Variants in PRPSAP1 observed in about 807,000 individuals in gnomAD.
PRPSAP1 encodes the protein phosphoribosyl pyrophosphate synthetase associated protein 1.
In PRPSAP1, 31 loss-of-function variants were observed where a neutral mutation model predicts 39.4. That is an observed-to-expected ratio of 0.79 (90% CI 0.59 to 1.06). PRPSAP1 has a LOEUF of 1.06. PRPSAP1 is among the 50% of genes least tolerant of loss of function. PRPSAP1 has a pLI of 0.00. For synonymous variants in PRPSAP1, 212 were observed against 192.6 expected, an observed-to-expected ratio of 1.10 and a Z score of -0.83; for missense variants, 430 against 511.6, an observed-to-expected ratio of 0.84 and a Z score of 1.54.
chr17:76,318,238 A>G (rs1482977907), intron 7 of PRPSAP1, among the ~76,000 whole-genome samples: 1 of 152,188 alleles, frequency 6.6e-6, no homozygotes, highest in Non-Finnish European at 1.5e-5. Flanking sequence ...TCACGAGGTC[A>G]GGAGTTAGAG....
chr17:76,350,355 C>T (rs60722349), intron 1 of PRPSAP1, among the ~76,000 whole-genome samples: 2,146 of 151,562 alleles, frequency 0.014, 54 homozygotes, highest in African/African-American at 0.05. Flanking sequence ...AGGGGAATGG[C>T]GTGAACCCAG....
In PRPSAP1 at chr17:76,311,710, C is replaced by T. The variant is rs910412440; in HGVS notation, c.1000-10G>A. 6.2e-7 allele frequency: 1 copy of T among 1,610,110 alleles called. No homozygotes were observed. Among genetic ancestry groups the T allele is most frequent in the Non-Finnish European group, 8.5e-7 (1 of 1,177,736 alleles). The stretch of plus-strand genomic sequence containing the variant: ...TATTCGTCACCACCACCTAGTCACA[C>T]AGTGATGGAAAACAAACGCTGTTAC... On this transcript the variant is annotated splice_polypyrimidine_tract_variant and intron_variant, in intron 9 of 9. Transcript: ENST00000446526.
intron 7 of PRPSAP1, among the ~76,000 whole-genome samples, chr17:76,327,901 A>G (rs1436026107): frequency 1.3e-5 from 2 of 152,182 alleles, no homozygotes; most frequent in Admixed American, 6.5e-5. Flanking sequence ...CGGGCCTGGC[A>G]TGGGGCTCAT....
intron 7 of PRPSAP1, among the ~76,000 whole-genome samples, chr17:76,327,095 C>T (rs1468948347): frequency 6.6e-6 from 1 of 152,138 alleles, no homozygotes; most frequent in African/African-American, 2.4e-5. Flanking sequence ...CACCTGTAAT[C>T]CCAGCACACT....
At chr17:76,330,986 A>G (rs973458256) in intron 4 of PRPSAP1, among the ~76,000 whole-genome samples, 1 of 152,230 alleles carries the variant, frequency 6.6e-6, no homozygotes, top group African/African-American at 2.4e-5. Flanking sequence ...AGAGATGGAA[A>G]AAACAGTAAG....
At chr17:76,354,098 C>T (rs2143569037), upstream of PRPSAP1, 1 of 1,027,144 alleles carries the variant, frequency 9.7e-7, no homozygotes, top group East Asian at 9.2e-5. Flanking sequence ...GTCTCACTTT[C>T]TTGGGAGGAG....
chr17:76,339,568 G>C (rs2071413834), intron 3 of PRPSAP1, among the ~76,000 whole-genome samples: 2 of 151,698 alleles, frequency 1.3e-5, no homozygotes, highest in South Asian at 4.1e-4. Flanking sequence ...GCCAGGTGAT[G>C]ATATTTTTGC....
At chr17:76,345,143 G>A (rs1240673859) in intron 2 of PRPSAP1, among the ~76,000 whole-genome samples, 2 of 149,906 alleles carry the variant, frequency 1.3e-5, no homozygotes, top group South Asian at 2.2e-4. Context: ...GCTGAGGCAG[G>A]AGAATGGCGT....
intron 7 of PRPSAP1, among the ~76,000 whole-genome samples, chr17:76,318,170 C>G (rs1346571779): frequency 6.6e-6 from 1 of 152,122 alleles, no homozygotes; most frequent in African/African-American, 2.4e-5. Flanking sequence ...ATGGGTTTGG[C>G]CAGGTGCGGT....
At chr17:76,352,735 T>C (rs115214282) in intron 1 of PRPSAP1, among the ~76,000 whole-genome samples, 1,648 of 150,564 alleles carry the variant, frequency 0.011, 32 homozygotes, top group African/African-American at 0.039. Context: ...TATGAGCCCC[T>C]ACTCTGCTAG....
At chr17:76,312,754 A>C in intron 9 of PRPSAP1, 116 bp downstream of exon 9, 2 of 1,359,270 alleles carry the variant, frequency 1.5e-6, no homozygotes, top group Non-Finnish European at 2.0e-6. Context: ...ACTGCTAGCC[A>C]GCAAAAGCTA....
rs2071310538 is a variant in PRPSAP1 at position 76,330,532 on chromosome 17, T to C, written c.579+19A>G. 6.6e-7 allele frequency: 1 copy of C among 1,522,952 alleles called. No homozygotes were observed. Among genetic ancestry groups the C allele is most frequent in the African/African-American group, 1.4e-5 (1 of 72,044 alleles). 94.3% of individuals were successfully genotyped at this position (1,522,952 alleles called of 1,614,324 possible). ...GATCTCTTTTGAGGACAATGGGGTGTTTGCTGGTGGTTCCTCACTTCTTCC... is the reference window on the plus strand; with the variant it reads ...GATCTCTTTTGAGGACAATGGGGTGCTTGCTGGTGGTTCCTCACTTCTTCC... On this transcript the variant is annotated intron_variant, in intron 5 of 9. Coordinates refer to ENST00000446526, the MANE Select transcript of PRPSAP1 (RefSeq NM_002766.3).
intron 1 of PRPSAP1, chr17:76,353,185 A>C: frequency 1.4e-5 from 3 of 217,182 alleles, no homozygotes; most frequent in East Asian, 1.1e-4. Context: ...AGCCGTGGGA[A>C]AGGAAGCCAA....
chr17:76,329,685 G>A (rs1005500208), intron 6 of PRPSAP1, among the ~76,000 whole-genome samples: 3 of 151,020 alleles, frequency 2.0e-5, no homozygotes, highest in Non-Finnish European at 2.9e-5. Context: ...GCAGTGAGCC[G>A]AGATCGCGCC....
intron 7 of PRPSAP1, among the ~76,000 whole-genome samples, chr17:76,320,302 A>AGGGAG (rs1567799131): frequency 8.0e-5 from 11 of 136,700 alleles, no homozygotes; most frequent in Admixed American, 1.5e-4. Context: ...AAGAAAGAAA[A>AGGGAG]GAAAGGAAGG....
At chr17:76,318,414 C>T (rs1029559863) in intron 7 of PRPSAP1, among the ~76,000 whole-genome samples, 9 of 152,122 alleles carry the variant, frequency 5.9e-5, no homozygotes, top group African/African-American at 2.2e-4. Context: ...CGCACCACTG[C>T]ACTCTAGTCT....
chr17:76,347,298 C>T (rs964359602), intron 2 of PRPSAP1, among the ~76,000 whole-genome samples: 1 of 151,598 alleles, frequency 6.6e-6, no homozygotes, highest in Non-Finnish European at 1.5e-5. Context: ...ACCAGCCTGA[C>T]CAACATGGCA....
chr17:76,325,142 G>T (rs1301572216), intron 7 of PRPSAP1, among the ~76,000 whole-genome samples: 1 of 149,156 alleles, frequency 6.7e-6, no homozygotes, highest in East Asian at 2.0e-4. Context: ...GGGCACAGTG[G>T]TTTACGCCTG....
At position 76,311,565 on chromosome 17, in the gene PRPSAP1, G is replaced by A; in HGVS notation, c.1135C>T (p.Arg379Ter). Residue 379 changes from arginine to a stop codon, truncating the protein, a stop_gained, in exon 10 of 10, where the codon CGA becomes TGA. Coordinates refer to ENST00000446526, the MANE Select transcript of PRPSAP1 (RefSeq NM_002766.3). LOFTEE classifies it high-confidence loss of function. ...AGCTAGTCATCCACAGTGATGTTTC[G>A]GAAAAGGTAGGCCATGGACTCTCCA... ...HNGESMAYLF[R>*]NITVDD is the part of the protein sequence containing the mutation. The A allele has an allele frequency of 1.2e-6, 2 of 1,613,802 alleles. No homozygotes were observed. The highest frequency in any genetic ancestry group is 1.7e-6 in the Non-Finnish European group (2 of 1,179,928).
Sources: gnomAD v4.1 joint callset for allele counts (sites outside exome capture counted in the v4.1 genomes callset) on GRCh38, gnomAD v4.1.1 for gene constraint, MANE v1.5 for transcripts, NCBI Gene and HGNC (gene_info 2026-07-23, HGNC 2026-07-21) for gene names.